The following CRYZL1 variants were observed in gnomAD, a reference collection of about 807,000 sequenced individuals.
CRYZL1 encodes crystallin zeta like 1, also known as ferry endosomal RAB5 effector complex subunit 4.
In CRYZL1, 34 loss-of-function variants were observed where a neutral mutation model predicts 50.6. That is an observed-to-expected ratio of 0.67 (90% confidence interval 0.51 to 0.89). The LOEUF is 0.89. CRYZL1 is among the 40% of genes least tolerant of loss of function. The pLI, the probability that CRYZL1 is intolerant of heterozygous loss-of-function variation, is 0.00. For synonymous variants in CRYZL1, 125 were observed against 134.3 expected (o/e 0.93, Z 0.48); for missense variants, 354 against 402.3 (o/e 0.88, Z 1.03).
intron 2 of CRYZL1, among the ~76,000 whole-genome samples, chr21:33,625,748 T>G (rs1436558039): frequency 6.6e-6 from 1 of 152,106 alleles, no homozygotes; most frequent in Non-Finnish European, 1.5e-5. Context: ...CCTCCCAAAG[T>G]GCTGGGATTA....
chr21:33,633,634 TG>T (rs942589042), intron 1 of CRYZL1: 3 of 152,264 alleles, frequency 2.0e-5, no homozygotes, highest in African/African-American at 7.2e-5. Flanking sequence ...AAGATGGTCT[TG>T]ATCTCCTCAC....
intron 6 of CRYZL1, among the ~76,000 whole-genome samples, chr21:33,607,252 C>T (rs2086823527): frequency 6.6e-6 from 1 of 152,142 alleles, no homozygotes; most frequent in African/African-American, 2.4e-5. Context: ...GGACTAACAC[C>T]ACATTTTGGG....
chr21:33,608,599 C>T (rs1354685550), intron 6 of CRYZL1, among the ~76,000 whole-genome samples: 1 of 152,198 alleles, frequency 6.6e-6, no homozygotes, highest in African/African-American at 2.4e-5. Flanking sequence ...GTTTTAGATT[C>T]CACATAGAAG....
intron 6 of CRYZL1, among the ~76,000 whole-genome samples, chr21:33,603,925 A>G (rs1404952391): frequency 6.6e-6 from 1 of 152,216 alleles, no homozygotes; most frequent in East Asian, 1.9e-4. Context: ...GCAATTTCTT[A>G]TTTGTATCAC....
chr21:33,634,902 T>A (rs1601352523), intron 1 of CRYZL1, among the ~76,000 whole-genome samples: 1 of 136,794 alleles, frequency 7.3e-6, no homozygotes, highest in East Asian at 2.2e-4. Flanking sequence ...TATATATATA[T>A]ATAAAATAAT....
chr21:33,639,985 C>A (rs1239856308), intron 1 of CRYZL1: 1 of 525,790 alleles, frequency 1.9e-6, no homozygotes. Flanking sequence ...ACCACCATGC[C>A]CGGCTAATTT....
chr21:33,623,125 C>G (rs2087021771), intron 3 of CRYZL1, among the ~76,000 whole-genome samples: 1 of 151,902 alleles, frequency 6.6e-6, no homozygotes, highest in Admixed American at 6.6e-5. Flanking sequence ...GCCACCATGC[C>G]CAGCTAATTT....
chr21:33,634,878 A>G (rs2087184522), intron 1 of CRYZL1, among the ~76,000 whole-genome samples: 1 of 67,136 alleles, frequency 1.5e-5, no homozygotes, highest in South Asian at 4.4e-4. Flanking sequence ...AACAACAACA[A>G]CAATATATAT....
intron 4 of CRYZL1, among the ~76,000 whole-genome samples, chr21:33,618,284 G>C (rs1242138896): frequency 8.3e-5 from 7 of 84,614 alleles, no homozygotes; most frequent in African/African-American, 3.8e-4. Context: ...GCGAGACTCC[G>C]TCTCAAAAAA....
Position 33,589,887 on chromosome 21 carries a change from C to A in CRYZL1, c.985G>T (p.Ala329Ser). ...TGAACAGCTTCCATGGAAACTTTTG[C>A]CTCATACAGTGGAATGGGTTCATCC... Reference protein sequence around the residue: ...QLDEPIPLYEAKVSMEAVQKN... With the variant: ...QLDEPIPLYESKVSMEAVQKN... The change falls in exon 13 of 13, where the codon GCA (alanine) becomes TCA (serine). Residue 329 changes from alanine (A) to serine (S), a missense_variant. Transcript: ENST00000381554. The A allele has an allele frequency of 6.2e-7, 1 of 1,610,984 alleles. No individual in the cohort carries two copies. Among genetic ancestry groups the A allele is most frequent in the Non-Finnish European group, 8.5e-7 (1 of 1,178,744 alleles).
intron 1 of CRYZL1, among the ~76,000 whole-genome samples, chr21:33,633,968 G>C (rs559400816): frequency 6.6e-6 from 1 of 152,338 alleles, no homozygotes; most frequent in Admixed American, 6.5e-5. Context: ...AATACGTAAA[G>C]AGTTTTTACA....
intron 3 of CRYZL1, among the ~76,000 whole-genome samples, chr21:33,622,794 T>C (rs2087017893): frequency 6.6e-6 from 1 of 152,146 alleles, no homozygotes; most frequent in Non-Finnish European, 1.5e-5. Context: ...TTAGGAACAG[T>C]AAGTAAAAAG....
Position 33,631,481 on chromosome 21 carries a change from C to T in CRYZL1, c.66+5G>A, listed in dbSNP as rs1411934201. ...CTACTTTAATGATTAAACATTTTTTCTTACCTTTTCTTGAAATACAAATGT... is the reference window on the plus strand; with the variant it reads ...CTACTTTAATGATTAAACATTTTTTTTTACCTTTTCTTGAAATACAAATGT... On this transcript the variant is annotated splice_donor_5th_base_variant and intron_variant, in intron 2 of 12. Transcript: ENST00000381554. 1 of 1,509,604 alleles carries T rather than the reference C, an allele frequency of 6.6e-7. No homozygotes were observed. Among genetic ancestry groups the T allele is most frequent in the Admixed American group, 2.5e-5 (1 of 40,646 alleles). The allele number at this position is 1,509,604 out of a possible 1,614,324, so 93.5% of individuals were successfully genotyped here.
chr21:33,640,118 G>C, intron 1 of CRYZL1: 1 of 1,541,928 alleles, frequency 6.5e-7, no homozygotes, highest in Non-Finnish European at 8.7e-7. Context: ...GAGCCACCAC[G>C]CTCGGCCAAT....
chr21:33,641,547 C>A (rs2087341054), intron 1 of CRYZL1, 134 bp downstream of exon 1: 1 of 412,988 alleles, frequency 2.4e-6, no homozygotes. Context: ...AGGCCTGGGC[C>A]CGAACAAGTC....
intron 4 of CRYZL1, among the ~76,000 whole-genome samples, chr21:33,620,902 CT>C (rs1217062963): frequency 1.6e-4 from 11 of 69,132 alleles, no homozygotes; most frequent in South Asian, 1.4e-3. Context: ...GGTGTCCAAT[CT>C]TTTTTTTTTT....
intron 12 of CRYZL1, among the ~76,000 whole-genome samples, chr21:33,590,206 T>C (rs1173645764): frequency 2.0e-5 from 3 of 152,070 alleles, no homozygotes; most frequent in African/African-American, 7.2e-5. Context: ...TTAGTAGAGA[T>C]GGGTTTCACC....
chr21:33,615,708 G>A (rs1452481843), intron 5 of CRYZL1, among the ~76,000 whole-genome samples: 1 of 152,130 alleles, frequency 6.6e-6, no homozygotes, highest in African/African-American at 2.4e-5. Context: ...AGTTTTACAA[G>A]AGTTGTAAGA....
At chr21:33,612,417 G>C (rs1357348382) in intron 6 of CRYZL1, among the ~76,000 whole-genome samples, 2 of 152,040 alleles carry the variant, frequency 1.3e-5, no homozygotes, top group East Asian at 3.9e-4. Flanking sequence ...CTCCCGAGTA[G>C]CTGGGATTAC....
Sources: allele counts gnomAD v4.1 joint callset (sites outside exome capture counted in the v4.1 genomes callset), GRCh38; gene constraint gnomAD v4.1.1; transcripts MANE v1.5; gene names NCBI Gene and HGNC (gene_info 2026-07-23, HGNC 2026-07-21).